The following NXPE4 variants were observed in gnomAD, a reference collection of about 807,000 sequenced individuals.
NXPE4 encodes NXPE family member 4.
Under a neutral mutation model 33.3 loss-of-function variants are expected in NXPE4, and 42 were observed. The ratio of observed to expected loss-of-function variants is 1.26; its 90% CI spans 0.98 to 1.63. The LOEUF is 1.63. NXPE4 is among the 40% of genes most tolerant of loss of function. The pLI is 0.00. For missense variants in NXPE4, 709 were observed against 647.6 expected, an observed-to-expected ratio of 1.09 and a Z score of -1.03; for synonymous variants, 253 against 234.9, an observed-to-expected ratio of 1.08 and a Z score of -0.71.
the NXPE4 span, among the ~76,000 whole-genome samples, chr11:114,635,921 A>T: frequency 7.8e-3 from 1,186 of 152,000 alleles, 8 homozygotes; most frequent in Non-Finnish European, 0.011. Flanking sequence ...TTGGTCTAAA[A>T]TTCTCTTTTT....
the NXPE4 span, among the ~76,000 whole-genome samples, chr11:114,672,094 C>A: frequency 2.0e-5 from 3 of 151,906 alleles, no homozygotes; most frequent in Admixed American, 6.6e-5. Flanking sequence ...TTGAAACAAC[C>A]AGATCTCATG....
the NXPE4 span, among the ~76,000 whole-genome samples, chr11:114,649,908 T>C: frequency 6.6e-6 from 1 of 152,336 alleles, no homozygotes; most frequent in Admixed American, 6.5e-5. Flanking sequence ...GGTTGGTAAA[T>C]GCGTGCAGTT....
At chr11:114,606,305 G>C in the NXPE4 span, among the ~76,000 whole-genome samples, 11 of 150,916 alleles carry the variant, frequency 7.3e-5, no homozygotes, top group African/African-American at 2.7e-4. Flanking sequence ...TGCCTCATGG[G>C]GAACCAGTGT....
chr11:114,668,991 T>C, the NXPE4 span, among the ~76,000 whole-genome samples: 1 of 152,096 alleles, frequency 6.6e-6, no homozygotes, highest in Admixed American at 6.6e-5. Context: ...CACTCCCAGC[T>C]CTATAGAGTG....
At chr11:114,630,910 A>G in the NXPE4 span, among the ~76,000 whole-genome samples, 1 of 151,798 alleles carries the variant, frequency 6.6e-6, no homozygotes, top group South Asian at 2.1e-4. Context: ...GCAGCCAAAA[A>G]ACACATGAAA....
In NXPE4 at chr11:114,582,637, C is replaced by A. The variant is rs201300075; in HGVS notation, c.481G>T (p.Gly161Cys). The change falls in exon 3 of 6, where the codon GGC becomes TGC. Residue 161 changes from glycine (G) to cysteine (C), a missense_variant. Physicochemically the swap from Gly to Cys is radical, Grantham distance 159 (BLOSUM62 -3). Coordinates refer to ENST00000375478, the MANE Select transcript of NXPE4 (RefSeq NM_001077639.2). ...AGAGTGAAGCTGACCAGGTAGGTGC[C>A]GTTGTTGAAGTCAGTCACCTTTCCT... is the stretch of plus-strand genomic sequence containing the variant. Reference protein sequence around the residue: ...ASGKVTDFNNGTYLVSFTLFW... With the variant: ...ASGKVTDFNNCTYLVSFTLFW... The A allele has an allele frequency of 1.2e-6, 2 of 1,614,002 alleles. No homozygotes were observed. The highest frequency in any genetic ancestry group is 4.5e-5 in the East Asian group (2 of 44,888).
chr11:114,605,397 G>A, the NXPE4 span, among the ~76,000 whole-genome samples: 1 of 151,646 alleles, frequency 6.6e-6, no homozygotes, highest in Non-Finnish European at 1.5e-5. Flanking sequence ...GGTAACCACT[G>A]TTACCTGGTG....
the NXPE4 span, among the ~76,000 whole-genome samples, chr11:114,628,337 A>G: frequency 6.6e-6 from 1 of 152,176 alleles, no homozygotes. Flanking sequence ...ACCACAGTGC[A>G]ATCAAACTAG....
At chr11:114,621,254 C>T in the NXPE4 span, among the ~76,000 whole-genome samples, 1 of 142,196 alleles carries the variant, frequency 7.0e-6, no homozygotes, top group East Asian at 2.2e-4. Flanking sequence ...GTGGATAATA[C>T]GTGTTGCCTC....
chr11:114,641,938 G>A, the NXPE4 span, among the ~76,000 whole-genome samples: 1 of 152,042 alleles, frequency 6.6e-6, no homozygotes, highest in Admixed American at 6.6e-5. Context: ...CATTTGCAAA[G>A]TTTGACACAG....
chr11:114,607,753 TAA>T, the NXPE4 span, among the ~76,000 whole-genome samples: 1 of 151,884 alleles, frequency 6.6e-6, no homozygotes, highest in Non-Finnish European at 1.5e-5. Context: ...CGGTGGATAA[TAA>T]GTGTTGCCTC....
At chr11:114,653,828 T>C in the NXPE4 span, among the ~76,000 whole-genome samples, 3 of 152,054 alleles carry the variant, frequency 2.0e-5, no homozygotes, top group Non-Finnish European at 4.4e-5. Context: ...GCGCCTGGCC[T>C]GTCCTGCTTT....
At chr11:114,623,554 G>T in the NXPE4 span, among the ~76,000 whole-genome samples, 2 of 151,928 alleles carry the variant, frequency 1.3e-5, no homozygotes, top group African/African-American at 4.8e-5. Context: ...CAGATAATAC[G>T]TATTGCCTCA....
the NXPE4 span, among the ~76,000 whole-genome samples, chr11:114,627,557 GC>G: frequency 2.7e-5 from 4 of 150,842 alleles, no homozygotes; most frequent in Non-Finnish European, 5.9e-5. Context: ...ACCAGCCACT[GC>G]AAAATCATGC....
Position 114,582,667 on chromosome 11 carries a change from C to T in NXPE4, c.451G>A (p.Ala151Thr), listed in dbSNP as rs192956484. The change falls in exon 3 of 6, where the codon GCT (alanine) becomes ACT (threonine). Residue 151 changes from alanine to threonine, a missense_variant. Ala to Thr is a moderately conservative substitution (Grantham distance 58). Transcript: ENST00000375478. Reference sequence around the variant, plus strand: ...TTGAAGTCAGTCACCTTTCCTGAAGCACCTGCCATCAGCGCTGGGGAAGAC... The same window carrying T: ...TTGAAGTCAGTCACCTTTCCTGAAGTACCTGCCATCAGCGCTGGGGAAGAC... ...RMSSPALMAG[A>T]SGKVTDFNNG... 1 of 1,614,186 alleles carries T rather than the reference C, an allele frequency of 6.2e-7. No individual in the cohort carries two copies. The highest frequency in any genetic ancestry group is 1.7e-5 in the Admixed American group (1 of 60,030).
the NXPE4 span, among the ~76,000 whole-genome samples, chr11:114,665,220 T>C: frequency 3.4e-3 from 515 of 152,230 alleles, no homozygotes; most frequent in Non-Finnish European, 6.3e-3. Context: ...TTAAGATAAA[T>C]TCAAAAAATG....
At chr11:114,676,086 T>TA in the NXPE4 span, among the ~76,000 whole-genome samples, 4 of 151,654 alleles carry the variant, frequency 2.6e-5, no homozygotes, top group South Asian at 6.2e-4. Flanking sequence ...TCACAACATA[T>TA]AAAAAAAATC....
the NXPE4 span, among the ~76,000 whole-genome samples, chr11:114,674,576 C>G: frequency 7.0e-6 from 1 of 142,522 alleles, no homozygotes; most frequent in African/African-American, 2.6e-5. Flanking sequence ...CATACCACCA[C>G]AAAAAAAAAA....
chr11:114,664,319 C>A, the NXPE4 span, among the ~76,000 whole-genome samples: 2 of 151,988 alleles, frequency 1.3e-5, no homozygotes, highest in Admixed American at 1.3e-4. Flanking sequence ...AAATTAAGGG[C>A]TTGTAAAGGT....
Sources: gnomAD v4.1 joint callset for allele counts (sites outside exome capture counted in the v4.1 genomes callset) on GRCh38, gnomAD v4.1.1 for gene constraint, MANE v1.5 for transcripts, NCBI Gene and HGNC (gene_info 2026-07-23, HGNC 2026-07-21) for gene names.